KCNMA1: variants seen among roughly 807,000 people sequenced by gnomAD.
KCNMA1 encodes the protein Calcium-activated potassium channel subunit alpha-1.
KCNMA1 carries 29 observed loss-of-function variants against 140.0 expected under a neutral mutation model. The observed-to-expected ratio is 0.21, with a 90% CI of 0.15 to 0.28. KCNMA1 has a LOEUF of 0.28. KCNMA1 is among the 10% of genes least tolerant of loss of function. The probability of loss-of-function intolerance (pLI) is 1.00; values close to 1 mark genes in which losing one functional copy is unlikely to be tolerated. For missense variants in KCNMA1, 880 were observed against 1,602.2 expected (o/e 0.55, Z 7.70); for synonymous variants, 612 against 611.9 (o/e 1.00, Z 0.00).
intron 1 of KCNMA1, among the ~76,000 whole-genome samples, chr10:77,455,851 G>A (rs1168418645): frequency 2.0e-5 from 3 of 152,146 alleles, no homozygotes; most frequent in Non-Finnish European, 2.9e-5. Context: ...TAATCCAAAC[G>A]CCCCCTTTCC....
rs57340150 is a variant in KCNMA1 at position 77,195,499 on chromosome 10, C to T, written c.603-10583G>A. Reference sequence around the variant, plus strand: ...TTATACAATCATATCTTCAAGTATGCACACTTTTCATTTCCTTCTTGACAA... The same window carrying T: ...TTATACAATCATATCTTCAAGTATGTACACTTTTCATTTCCTTCTTGACAA... On this transcript the variant is annotated intron_variant, in intron 3 of 27. Coordinates refer to ENST00000286628, the MANE Select transcript of KCNMA1 (RefSeq NM_001161352.2). 0.041 allele frequency among the ~76,000 whole-genome samples: 6,296 copies of T among 152,252 alleles called. 645 individuals carry two copies. In the East Asian group the frequency reaches 0.43, roughly 10 times the overall value.
rs945693263 is a variant in KCNMA1, at chr10:76,981,805, T to C, written c.2267-11738A>G. The stretch of plus-strand genomic sequence containing the variant: ...TATTATAATTTGTGTTCAATTCTAA[T>C]GTGTTCTACTCCCCCAGCTAGGCTT... On this transcript the variant is annotated intron_variant, in intron 19 of 27. Transcript: ENST00000286628. Among the ~76,000 whole-genome samples the C allele has an allele frequency of 1.1e-4, 17 of 152,248 alleles. 1 individual carries two copies. The highest frequency in any genetic ancestry group is 2.1e-4 in the Non-Finnish European group (14 of 68,046).
chr10:77,491,437 G>A (rs1026409431), intron 1 of KCNMA1, among the ~76,000 whole-genome samples: 2 of 152,098 alleles, frequency 1.3e-5, no homozygotes, highest in Non-Finnish European at 2.9e-5. Flanking sequence ...CCCCCACGGC[G>A]TGCTATTATT....
intron 2 of KCNMA1, among the ~76,000 whole-genome samples, chr10:77,376,832 G>A (rs2095140200): frequency 6.6e-6 from 1 of 152,122 alleles, no homozygotes; most frequent in African/African-American, 2.4e-5. Flanking sequence ...CAGCTACTCA[G>A]GAGGCTGAGG....
intron 19 of KCNMA1, among the ~76,000 whole-genome samples, chr10:76,971,625 C>A (rs1186976174): frequency 1.3e-5 from 2 of 152,080 alleles, no homozygotes; most frequent in Non-Finnish European, 2.9e-5. Flanking sequence ...CCACAGCCGA[C>A]CCCCTGTACC....
At chr10:77,418,412 C>T (rs1019592893) in intron 1 of KCNMA1, among the ~76,000 whole-genome samples, 1 of 152,176 alleles carries the variant, frequency 6.6e-6, no homozygotes, top group African/African-American at 2.4e-5. Flanking sequence ...ATCAGGTTTC[C>T]TTCTACCCCA....
intron 1 of KCNMA1, among the ~76,000 whole-genome samples, chr10:77,580,178 GAGACCATCTTGGCTAACAT>G (rs2075440434): frequency 6.6e-6 from 1 of 152,026 alleles, no homozygotes; most frequent in Non-Finnish European, 1.5e-5. Context: ...TCTGGAGATC[GAGACCATCTTGGCTAACAT>G]AGTGAAACCC....
At chr10:77,158,672 AC>A (rs1415777030) in intron 5 of KCNMA1, among the ~76,000 whole-genome samples, 2 of 151,870 alleles carry the variant, frequency 1.3e-5, no homozygotes, top group Non-Finnish European at 2.9e-5. Context: ...TTGTCTTGAG[AC>A]CCCTTTGTTT....
In KCNMA1 at chr10:77,637,799, G is replaced by C; in HGVS notation, c.-157C>G. On this transcript the variant is annotated 5_prime_UTR_variant, in exon 1 of 28. Coordinates refer to ENST00000286628, the MANE Select transcript of KCNMA1 (RefSeq NM_001161352.2). ...GGGGCGGGGAGGCGCCTGGGCTCGGGGCGCTGTGCGCGACCTGGCGGGGTG... is the reference window on the plus strand; with the variant it reads ...GGGGCGGGGAGGCGCCTGGGCTCGGCGCGCTGTGCGCGACCTGGCGGGGTG... 8.1e-7 allele frequency: 1 copy of C among 1,238,678 alleles called. No individual in the cohort carries two copies. The highest frequency in any genetic ancestry group is 1.0e-6 in the Non-Finnish European group (1 of 988,546). 76.7% of individuals were successfully genotyped at this position (1,238,678 alleles called of 1,614,324 possible).
intron 1 of KCNMA1, among the ~76,000 whole-genome samples, chr10:77,619,856 T>C (rs1377526718): frequency 1.3e-5 from 2 of 152,062 alleles, no homozygotes; most frequent in African/African-American, 4.8e-5. Flanking sequence ...AGAGAAGGCT[T>C]CCCAGGAAGG....
chr10:76,982,293 A>G (rs1309212672), intron 19 of KCNMA1, among the ~76,000 whole-genome samples: 6 of 151,612 alleles, frequency 4.0e-5, no homozygotes, highest in African/African-American at 1.5e-4. Context: ...AATGTCTTAG[A>G]CAATAAGTTA....
At chr10:77,485,054 C>T (rs1182434917) in intron 1 of KCNMA1, among the ~76,000 whole-genome samples, 1 of 152,200 alleles carries the variant, frequency 6.6e-6, no homozygotes, top group Non-Finnish European at 1.5e-5. Flanking sequence ...AAGACTCACT[C>T]TCTCCTTCTT....
rs115452329 is a variant in KCNMA1 at position 77,207,776 on chromosome 10, G to A, written c.603-22860C>T. On this transcript the variant is annotated intron_variant, in intron 3 of 27. Transcript: ENST00000286628. Reference sequence around the variant, plus strand: ...GAATCCCTCTCCTTGAGCCTGTGATGGCCAAAATTGCGTGCATACCATAAA... The same window carrying A: ...GAATCCCTCTCCTTGAGCCTGTGATAGCCAAAATTGCGTGCATACCATAAA... Among the ~76,000 whole-genome samples the A allele has an allele frequency of 6.8e-4, 103 of 152,272 alleles. 1 individual carries two copies. Among genetic ancestry groups the A allele is most frequent in the Middle Eastern group, 3.4e-3 (1 of 294 alleles).
chr10:77,086,386 C>T (rs1595662824), intron 11 of KCNMA1, 102 bp downstream of exon 11: 8 of 846,190 alleles, frequency 9.5e-6, no homozygotes, highest in Admixed American at 7.2e-5. Context: ...GGAGATGACT[C>T]GTGGCCAACC....
intron 25 of KCNMA1, chr10:76,901,723 T>G (rs2045507468): frequency 6.6e-6 from 1 of 152,238 alleles, no homozygotes; most frequent in African/African-American, 2.4e-5. Context: ...CTGGGACCAC[T>G]CATATCTCTG....
At chr10:77,170,466 GGAGGT>G (rs1564957760) in intron 5 of KCNMA1, among the ~76,000 whole-genome samples, 88 of 96,466 alleles carry the variant, frequency 9.1e-4, no homozygotes, top group African/African-American at 3.1e-3. Flanking sequence ...GGAGAAGGTC[GGAGGT>G]GAGGCTCCAT....
At chr10:77,115,298 G>A (rs1248386652) in intron 6 of KCNMA1, among the ~76,000 whole-genome samples, 6 of 152,162 alleles carry the variant, frequency 3.9e-5, no homozygotes, top group African/African-American at 1.4e-4. Context: ...GTCTCTCTTG[G>A]TCATTTCTAG....
chr10:77,206,266 T>C (rs1303402273), intron 3 of KCNMA1, among the ~76,000 whole-genome samples: 7 of 152,246 alleles, frequency 4.6e-5, no homozygotes, highest in Admixed American at 2.0e-4. Context: ...ATTAATCTCA[T>C]TGTGTTCTAA....
At position 77,108,257 on chromosome 10, in the gene KCNMA1, C is replaced by G. The variant is rs890740399; in HGVS notation, c.1223+224G>C. 4.9e-6 allele frequency: 7 copies of G among 1,437,732 alleles called. No individual in the cohort carries two copies. Among genetic ancestry groups the G allele is most frequent in the Non-Finnish European group, 6.4e-6 (7 of 1,095,996 alleles). 89.1% of individuals were successfully genotyped at this position (1,437,732 alleles called of 1,614,324 possible). A position where few individuals can be genotyped will look rare whatever the true frequency, so the allele number is the denominator to read the frequency against. On this transcript the variant is annotated intron_variant, in intron 9 of 27. Transcript: ENST00000286628. The surrounding 1 kb of genome is among the most constrained non-coding windows in gnomAD (Gnocchi z 4.6). ...ACAGGGACTCCTGAAAGTCACTCAA[C>G]CACATCTTTTCTGATGCAACTGACT... is the stretch of plus-strand genomic sequence containing the variant.
Sources: gnomAD v4.1 joint callset for allele counts (sites outside exome capture counted in the v4.1 genomes callset) on GRCh38, gnomAD v4.1.1 for gene constraint, Gnocchi (gnomAD v3.1) non-coding constraint, MANE v1.5 for transcripts, NCBI Gene and HGNC (gene_info 2026-07-23, HGNC 2026-07-21) for gene names.